TRMT1L: variants seen among roughly 807,000 people sequenced by gnomAD.
The protein encoded by TRMT1L is tRNA (guanine(27)-N(2))-dimethyltransferase.
TRMT1L carries 28 observed loss-of-function variants against 81.6 expected under a neutral mutation model. The ratio of observed to expected loss-of-function variants is 0.34; its 90% confidence interval spans 0.25 to 0.47. The LOEUF (loss-of-function observed/expected upper bound fraction) is 0.47. Among genes scored for constraint, TRMT1L ranks in the 20% least tolerant of loss-of-function variants. The pLI, the probability that TRMT1L is intolerant of heterozygous loss-of-function variation, is 1.00. For missense variants in TRMT1L, 739 were observed against 877.1 expected (o/e 0.84, Z 1.99); for synonymous variants, 301 against 303.2 (o/e 0.99, Z 0.07).
Position 185,119,817 on chromosome 1 carries a change from A to G in TRMT1L, c.*202T>C. 2.0e-6 allele frequency: 1 copy of G among 507,606 alleles called. No individual in the cohort carries two copies. The highest frequency in any genetic ancestry group is 3.3e-6 in the Non-Finnish European group (1 of 302,836). 31.4% of individuals were successfully genotyped at this position (507,606 alleles called of 1,614,324 possible). Reference sequence around the variant, plus strand: ...ATGAAATGTTTCCATTAAAATTTTAAGTTTGCCTTAAAACAAAAAAAAACT... The same window carrying G: ...ATGAAATGTTTCCATTAAAATTTTAGGTTTGCCTTAAAACAAAAAAAAACT... On this transcript the variant is annotated 3_prime_UTR_variant, in exon 15 of 15. Coordinates refer to ENST00000367506, the MANE Select transcript of TRMT1L (RefSeq NM_030934.5).
intron 6 of TRMT1L, 69 bp from the exon 7 acceptor site, chr1:185,143,505 G>A: frequency 7.0e-7 from 1 of 1,419,128 alleles, no homozygotes; most frequent in Middle Eastern, 1.8e-4. Flanking sequence ...TTTCATTTAA[G>A]AATAGTGAAC....
intron 5 of TRMT1L, among the ~76,000 whole-genome samples, chr1:185,145,094 T>G (rs897020342): frequency 6.6e-6 from 1 of 151,930 alleles, no homozygotes; most frequent in Non-Finnish European, 1.5e-5. Context: ...AGTCTTTATT[T>G]CACTGTATCT....
upstream of TRMT1L, chr1:185,157,111 G>A (rs1002116826): frequency 1.6e-5 from 3 of 188,196 alleles, no homozygotes; most frequent in Non-Finnish European, 3.3e-5. Flanking sequence ...GGGCGGGGCC[G>A]GAGTTCAAGC....
rs772358668 is a variant in TRMT1L at position 185,119,968 on chromosome 1, G to C, written c.*51C>G. 6.4e-7 allele frequency: 1 copy of C among 1,561,894 alleles called. No individual in the cohort carries two copies. Among genetic ancestry groups the C allele is most frequent in the Non-Finnish European group, 8.7e-7 (1 of 1,147,920 alleles). The stretch of plus-strand genomic sequence containing the variant: ...GAAAAAGAACTACAGTTGGTATAGA[G>C]AACTATTAGGCCATCTATACAGACA... On this transcript the variant is annotated 3_prime_UTR_variant, in exon 15 of 15. Transcript: ENST00000367506.
At chr1:185,120,847 A>C (rs1553245324) in intron 13 of TRMT1L, 2 of 160,080 alleles carry the variant, frequency 1.2e-5, no homozygotes, top group Non-Finnish European at 2.7e-5. Context: ...TTAAGTTGTC[A>C]TTTTTTTTTC....
At chr1:185,145,995 C>G (rs772613860) in intron 4 of TRMT1L, among the ~76,000 whole-genome samples, 1 of 151,920 alleles carries the variant, frequency 6.6e-6, no homozygotes, top group Non-Finnish European at 1.5e-5. Context: ...TTTAAGCTAT[C>G]AATGTAACAT....
chr1:185,119,267 G>T lies in TRMT1L; in HGVS notation c.*752C>A, dbSNP rs947919047. ...TACGTGCATTAACTGAGGCACTTAA[G>T]ATCACCCAACCTTTTTAATTTATAA... On this transcript the variant is annotated 3_prime_UTR_variant, in exon 15 of 15. Transcript: ENST00000367506. 1.3e-5 allele frequency: 2 copies of T among 152,042 alleles called. No homozygotes were observed. The highest frequency in any genetic ancestry group is 2.9e-5 in the Non-Finnish European group (2 of 68,002). 9.4% of individuals were successfully genotyped at this position (152,042 alleles called of 1,614,324 possible).
chr1:185,139,443 G>A lies in TRMT1L; in HGVS notation c.1246C>T (p.His416Tyr). The stretch of plus-strand genomic sequence containing the variant: ...GTTCGGACAATGTTACATCCGTAGT[G>A]ACGCCGGGCAACATGCTGTGCCTTG... ...YAKAQHVARR[H>Y]YGCNIVRTEY... The change falls in exon 9 of 15, where the codon CAC (histidine) becomes TAC (tyrosine). Residue 416 changes from histidine (H) to tyrosine (Y), a missense_variant. By Grantham distance (83) the His-to-Tyr change is moderately conservative (BLOSUM62 2). This residue lies in a region of TRMT1L where 331 missense variants were observed against 462.2 expected (regional missense o/e 0.72). Coordinates refer to ENST00000367506, the MANE Select transcript of TRMT1L (RefSeq NM_030934.5). The A allele has an allele frequency of 6.2e-7, 1 of 1,614,140 alleles. No homozygotes were observed. The highest frequency in any genetic ancestry group is 1.7e-4 in the Middle Eastern group (1 of 6,060).
intron 7 of TRMT1L, 99 bp downstream of exon 7, chr1:185,143,258 T>C (rs1653097640): frequency 1.8e-6 from 2 of 1,134,472 alleles, no homozygotes; most frequent in South Asian, 3.4e-5. Flanking sequence ...GCCTTGGATC[T>C]TTAATTTTTT....
rs1455517592 is a variant in TRMT1L, at chr1:185,150,410, A to T, written c.429T>A (p.Asn143Lys). ...NSHKLRRHLQ[N>K]LHWKVSVEFE... ...ATTCAACTGAGACTTTCCAGTGTAA[A>T]TTCTGGAGGTGACGACGAAGCTTAT... Residue 143 changes from asparagine (N) to lysine (K), a missense_variant, in exon 3 of 15, where the codon AAT becomes AAA. Coordinates refer to ENST00000367506, the MANE Select transcript of TRMT1L (RefSeq NM_030934.5). 1 of 1,613,554 alleles carries T rather than the reference A, an allele frequency of 6.2e-7. No individual in the cohort carries two copies. The highest frequency in any genetic ancestry group is 1.3e-5 in the African/African-American group (1 of 74,922).
At chr1:185,143,276 C>T (rs1191611042) in intron 7 of TRMT1L, 81 bp downstream of exon 7, 3 of 1,261,780 alleles carry the variant, frequency 2.4e-6, no homozygotes, top group Admixed American at 4.8e-5. Context: ...TTTTACATCA[C>T]TGCCCATATA....
rs193136951 is a variant in TRMT1L at position 185,135,233 on chromosome 1, T to C, written c.1513+2373A>G. 6.7e-5 allele frequency among the ~76,000 whole-genome samples: 10 copies of C among 149,012 alleles called. No individual in the cohort carries two copies. In the East Asian group the frequency reaches 2.1e-3, roughly 31 times the overall value. The stretch of plus-strand genomic sequence containing the variant: ...GAGTTCGTGACCAGCCTGGGCAACA[T>C]GGTGAAACCCCGTCTCTACTAAAAT... On this transcript the variant is annotated intron_variant, in intron 10 of 14. Coordinates refer to ENST00000367506, the MANE Select transcript of TRMT1L (RefSeq NM_030934.5).
Position 185,150,487 on chromosome 1 carries a change from T to C in TRMT1L, c.352A>G (p.Arg118Gly). 1.2e-6 allele frequency: 2 copies of C among 1,609,882 alleles called. No homozygotes were observed. The highest frequency in any genetic ancestry group is 1.7e-6 in the Non-Finnish European group (2 of 1,176,876). Reference sequence around the variant, plus strand: ...TTAGGGCACAATGGACAAGCCTGTCTGTTGCCTTAAAAAGAAAAAAGAATC... The same window carrying C: ...TTAGGGCACAATGGACAAGCCTGTCCGTTGCCTTAAAAAGAAAAAAGAATC... Reference protein sequence around the residue: ...LNSDNLDAGNRQACPLCPKEK... With the variant: ...LNSDNLDAGNGQACPLCPKEK... The change falls in exon 3 of 15, where the codon AGA (arginine) becomes GGA (glycine). Residue 118 changes from arginine to glycine, a missense_variant. This residue lies in a region of TRMT1L where 209 missense variants were observed against 165.4 expected (regional missense o/e 1.26). Transcript: ENST00000367506.
chr1:185,155,233 C>T (rs1193757907), intron 1 of TRMT1L, among the ~76,000 whole-genome samples: 2 of 152,174 alleles, frequency 1.3e-5, no homozygotes, highest in Non-Finnish European at 2.9e-5. Context: ...AGAATGCATG[C>T]ATTTCCCAAA....
chr1:185,121,235 A>C (rs553158524), intron 13 of TRMT1L, among the ~76,000 whole-genome samples: 1 of 152,324 alleles, frequency 6.6e-6, no homozygotes, highest in East Asian at 1.9e-4. Flanking sequence ...TTGATTATTT[A>C]TATATGAACG....
At chr1:185,148,477 C>T (rs753814447) in intron 3 of TRMT1L, among the ~76,000 whole-genome samples, 5 of 152,184 alleles carry the variant, frequency 3.3e-5, no homozygotes, top group African/African-American at 4.8e-5. Flanking sequence ...TTCAATTTTA[C>T]GTCAACTACT....
chr1:185,143,926 G>A lies in TRMT1L; in HGVS notation c.759C>T (p.Asn253=). 6.2e-7 allele frequency: 1 copy of A among 1,607,114 alleles called. No homozygotes were observed. The highest frequency in any genetic ancestry group is 2.2e-5 in the East Asian group (1 of 44,564). ...SIPQKTDSYF[N]PKMKLNRQLI... is the part of the protein sequence containing the mutation. ...CTTACCGATTTAGTTTCATTTTGGG[G>A]TTAAAATAGGAATCTGTTTTCTGAG... is the stretch of plus-strand genomic sequence containing the variant. The change falls in exon 6 of 15, where the codon AAC becomes AAT. Residue 253 remains asparagine (N), a synonymous_variant. Coordinates refer to ENST00000367506, the MANE Select transcript of TRMT1L (RefSeq NM_030934.5).
chr1:185,123,810 T>C lies in TRMT1L; in HGVS notation c.1822+47A>G, dbSNP rs1488724787. 7 of 1,227,032 alleles carry C rather than the reference T, an allele frequency of 5.7e-6. No homozygotes were observed. In the East Asian group the frequency reaches 2.1e-4, roughly 37 times the overall value. 76.0% of individuals were successfully genotyped at this position (1,227,032 alleles called of 1,614,324 possible). A position where few individuals can be genotyped will look rare whatever the true frequency, so the allele number is the denominator to read the frequency against. On this transcript the variant is annotated intron_variant, in intron 13 of 14. Transcript: ENST00000367506. ...TCTTCCTACCCTTTTGCTATATGCC[T>C]TTTTGACCTGATATGTACATATGTA...
At chr1:185,127,882 G>A (rs1234329588) in intron 11 of TRMT1L, among the ~76,000 whole-genome samples, 1 of 152,036 alleles carries the variant, frequency 6.6e-6, no homozygotes, top group Non-Finnish European at 1.5e-5. Flanking sequence ...GGGAGGCTGA[G>A]CCAGGCAGAT....
Sources: allele counts gnomAD v4.1 joint callset (sites outside exome capture counted in the v4.1 genomes callset), GRCh38; gene constraint gnomAD v4.1.1; regional missense constraint gnomAD v4.1.1; transcripts MANE v1.5; gene names NCBI Gene and HGNC (gene_info 2026-07-23, HGNC 2026-07-21).